Variants in CPA6 observed in about 807,000 individuals in gnomAD.
The protein encoded by CPA6 is carboxypeptidase B.
CPA6 carries 58 observed loss-of-function variants against 63.3 expected under a neutral mutation model. The ratio of observed to expected loss-of-function variants is 0.92; its 90% confidence interval spans 0.74 to 1.14. The LOEUF is 1.14. CPA6 is among the 50% of genes most tolerant of loss of function. The pLI is 0.00. For missense variants in CPA6, 565 were observed against 526.6 expected, an observed-to-expected ratio of 1.07 and a Z score of -0.71; for synonymous variants, 185 against 179.0, an observed-to-expected ratio of 1.03 and a Z score of -0.27.
At chr8:67,548,013 G>A (rs1285223962) in intron 2 of CPA6, among the ~76,000 whole-genome samples, 1 of 152,004 alleles carries the variant, frequency 6.6e-6, no homozygotes, top group East Asian at 1.9e-4. Flanking sequence ...AAAATCTTTA[G>A]CAATAGAGTT....
At chr8:67,431,442 C>A (rs1425473814) in intron 9 of CPA6, among the ~76,000 whole-genome samples, 1 of 151,522 alleles carries the variant, frequency 6.6e-6, no homozygotes, top group Non-Finnish European at 1.5e-5. Context: ...TGGGGTTAAA[C>A]CATGTTGCCC....
chr8:67,727,263 C>T lies in CPA6; in HGVS notation c.116+18751G>A, dbSNP rs191490600. Among the ~76,000 whole-genome samples, 20 of 152,292 alleles carry T rather than the reference C, an allele frequency of 1.3e-4. No homozygotes were observed. The East Asian group carries it at 3.9e-3, about 29-fold the overall frequency. On this transcript the variant is annotated intron_variant, in intron 1 of 10. Coordinates refer to ENST00000297770, the MANE Select transcript of CPA6 (RefSeq NM_020361.5). ...ATATCATATAGCAAAACCAAAACTACTGATACCTTTGTATCCTATTTTCTC... is the reference window on the plus strand; with the variant it reads ...ATATCATATAGCAAAACCAAAACTATTGATACCTTTGTATCCTATTTTCTC...
intron 1 of CPA6, among the ~76,000 whole-genome samples, chr8:67,669,869 CT>C (rs1465138833): frequency 6.6e-6 from 1 of 151,908 alleles, no homozygotes; most frequent in Non-Finnish European, 1.5e-5. Flanking sequence ...GGACCCAGCA[CT>C]TCAGTATCTG....
chr8:67,441,389 G>A (rs1272107768), intron 8 of CPA6, among the ~76,000 whole-genome samples: 2 of 152,132 alleles, frequency 1.3e-5, no homozygotes, highest in Non-Finnish European at 2.9e-5. Flanking sequence ...TGATGACTTG[G>A]TAGTGTAAAG....
chr8:67,687,620 A>G (rs1291516010), intron 1 of CPA6, among the ~76,000 whole-genome samples: 2 of 152,212 alleles, frequency 1.3e-5, no homozygotes, highest in Non-Finnish European at 2.9e-5. Context: ...CCTCATATTT[A>G]GGAAGCATGT....
intron 2 of CPA6, among the ~76,000 whole-genome samples, chr8:67,588,226 G>A (rs1229107866): frequency 6.6e-6 from 1 of 152,152 alleles, no homozygotes; most frequent in African/African-American, 2.4e-5. Context: ...TAACATTATG[G>A]ATTATTTTTA....
intron 1 of CPA6, among the ~76,000 whole-genome samples, chr8:67,727,155 A>T (rs1036294468): frequency 5.2e-5 from 7 of 134,432 alleles, no homozygotes; most frequent in Admixed American, 4.3e-4. Context: ...AGGGAGAAAG[A>T]AAAAAAAACC....
chr8:67,466,787 GA>G (rs1417936030), intron 8 of CPA6, among the ~76,000 whole-genome samples: 1 of 152,138 alleles, frequency 6.6e-6, no homozygotes, highest in Non-Finnish European at 1.5e-5. Flanking sequence ...TTGAAAGAAG[GA>G]AAAACAACAC....
chr8:67,660,471 A>T (rs1176564278), intron 1 of CPA6, among the ~76,000 whole-genome samples: 1 of 147,774 alleles, frequency 6.8e-6, no homozygotes, highest in Non-Finnish European at 1.5e-5. Flanking sequence ...CTGAGACTGC[A>T]GGCACACGGC....
At chr8:67,484,594 C>T (rs771191622) in intron 7 of CPA6, 85 bp downstream of exon 7, 5 of 676,220 alleles carry the variant, frequency 7.4e-6, no homozygotes, top group Admixed American at 2.6e-5. Flanking sequence ...GCCTGTCCAG[C>T]TTCTTTCCTG....
chr8:67,449,058 C>G (rs181007717), intron 8 of CPA6, among the ~76,000 whole-genome samples: 1 of 152,254 alleles, frequency 6.6e-6, no homozygotes, highest in East Asian at 1.9e-4. Flanking sequence ...TCGAGACCAG[C>G]CTGGCCAACA....
At chr8:67,673,719 A>G (rs1816406463) in intron 1 of CPA6, among the ~76,000 whole-genome samples, 2 of 152,066 alleles carry the variant, frequency 1.3e-5, no homozygotes, top group South Asian at 4.1e-4. Flanking sequence ...TCCACAGACT[A>G]TAATAGCATT....
intron 1 of CPA6, among the ~76,000 whole-genome samples, chr8:67,692,011 T>TGCC (rs1231977175): frequency 6.6e-6 from 1 of 152,202 alleles, no homozygotes. Flanking sequence ...TCCTGGCAGT[T>TGCC]GCCCATGCAG....
At chr8:67,576,160 A>G (rs1287447029) in intron 2 of CPA6, among the ~76,000 whole-genome samples, 1 of 152,176 alleles carries the variant, frequency 6.6e-6, no homozygotes, top group East Asian at 1.9e-4. Flanking sequence ...ACATTTTAAC[A>G]TCACTTAAGA....
intron 2 of CPA6, among the ~76,000 whole-genome samples, chr8:67,544,941 G>T (rs1361602955): frequency 2.6e-5 from 4 of 152,024 alleles, no homozygotes; most frequent in Non-Finnish European, 4.4e-5. Flanking sequence ...TTTTTGGGGG[G>T]CCATCAAAGA....
At chr8:67,455,981 C>G (rs1443109721) in intron 8 of CPA6, among the ~76,000 whole-genome samples, 1 of 152,112 alleles carries the variant, frequency 6.6e-6, no homozygotes, top group Non-Finnish European at 1.5e-5. Flanking sequence ...TCCCAAAGTG[C>G]TAGGATTACA....
At chr8:67,720,877 T>G (rs1817484456) in intron 1 of CPA6, among the ~76,000 whole-genome samples, 1 of 152,200 alleles carries the variant, frequency 6.6e-6, no homozygotes, top group Non-Finnish European at 1.5e-5. Flanking sequence ...ATACTTTGCA[T>G]AGTTTATTCA....
chr8:67,608,201 C>G (rs1315064224), intron 2 of CPA6, among the ~76,000 whole-genome samples: 1 of 152,188 alleles, frequency 6.6e-6, no homozygotes, highest in African/African-American at 2.4e-5. Flanking sequence ...GCTCTACCCT[C>G]AAGCCTGGAC....
At chr8:67,469,850 T>C (rs1811016079) in intron 8 of CPA6, among the ~76,000 whole-genome samples, 1 of 152,136 alleles carries the variant, frequency 6.6e-6, no homozygotes. Flanking sequence ...CCACTCCCTC[T>C]TTCTCTCTCT....
Sources: allele counts gnomAD v4.1 joint callset (sites outside exome capture counted in the v4.1 genomes callset), GRCh38; gene constraint gnomAD v4.1.1; transcripts MANE v1.5; gene names NCBI Gene and HGNC (gene_info 2026-07-23, HGNC 2026-07-21).